Variants in RELN observed in about 807,000 individuals in gnomAD.
The protein encoded by RELN is reelin.
A neutral mutation model predicts 427.6 loss-of-function variants in RELN; 108 were observed. The observed-to-expected ratio is 0.25, with a 90% CI of 0.22 to 0.30. The LOEUF (loss-of-function observed/expected upper bound fraction) is 0.30. RELN is among the 10% of genes least tolerant of loss of function. RELN has a pLI of 1.00. For missense variants in RELN, 3,715 were observed against 4,302.8 expected, an observed-to-expected ratio of 0.86 and a Z score of 3.82; for synonymous variants, 1,524 against 1,513.4, an observed-to-expected ratio of 1.01 and a Z score of -0.16.
chr7:103,631,799 T>C (rs1484600771), intron 19 of RELN, among the ~76,000 whole-genome samples: 1 of 152,048 alleles, frequency 6.6e-6, no homozygotes, highest in Non-Finnish European at 1.5e-5. Context: ...ACATAATATA[T>C]AGAAAGAAAC....
intron 11 of RELN, among the ~76,000 whole-genome samples, chr7:103,677,799 G>GTACA (rs1313289910): frequency 6.9e-6 from 1 of 144,546 alleles, no homozygotes; most frequent in Non-Finnish European, 1.5e-5. Context: ...AAAGAACTAG[G>GTACA]TGTAGTGAGG....
chr7:103,605,517 T>C (rs1023861572), intron 22 of RELN, among the ~76,000 whole-genome samples: 1 of 152,230 alleles, frequency 6.6e-6, no homozygotes, highest in African/African-American at 2.4e-5. Flanking sequence ...TGTCTATTCA[T>C]TGACTGCTAT....
intron 11 of RELN, among the ~76,000 whole-genome samples, chr7:103,679,590 T>A (rs1833610782): frequency 6.6e-6 from 1 of 152,160 alleles, no homozygotes; most frequent in African/African-American, 2.4e-5. Flanking sequence ...ATTAAAGAAA[T>A]GTCCAAAGAG....
intron 20 of RELN, among the ~76,000 whole-genome samples, chr7:103,625,970 G>T (rs778617095): frequency 6.6e-6 from 1 of 152,068 alleles, no homozygotes; most frequent in Non-Finnish European, 1.5e-5. Flanking sequence ...TAGGGCAGTG[G>T]TTAGAGTTGG....
chr7:103,830,361 A>G (rs1366475033), intron 3 of RELN, among the ~76,000 whole-genome samples: 1 of 151,934 alleles, frequency 6.6e-6, no homozygotes, highest in African/African-American at 2.4e-5. Flanking sequence ...AACTAGTAAT[A>G]TCAAAAAGTC....
chr7:103,934,983 A>G (rs1795949051), intron 1 of RELN, among the ~76,000 whole-genome samples: 1 of 152,224 alleles, frequency 6.6e-6, no homozygotes, highest in Non-Finnish European at 1.5e-5. Flanking sequence ...GTGCAAAGCC[A>G]AAGACATCTC....
intron 2 of RELN, among the ~76,000 whole-genome samples, chr7:103,840,024 G>C (rs141365250): frequency 6.6e-6 from 1 of 152,010 alleles, no homozygotes; most frequent in South Asian, 2.1e-4. Flanking sequence ...CTCTCTCTCC[G>C]GCCATATGAA....
At chr7:103,873,872 C>T (rs1450574445) in intron 2 of RELN, among the ~76,000 whole-genome samples, 1 of 114,934 alleles carries the variant, frequency 8.7e-6, no homozygotes, top group African/African-American at 2.9e-5. Flanking sequence ...CAGCATCATT[C>T]TGATACCAAA....
intron 17 of RELN, 55 bp from the exon 18 acceptor site, chr7:103,636,523 T>C: frequency 8.6e-7 from 1 of 1,156,304 alleles, no homozygotes; most frequent in South Asian, 1.3e-5. Context: ...TCGGAGATTC[T>C]CGAATCTACT....
intron 50 of RELN, among the ~76,000 whole-genome samples, 169 bp from the exon 51 acceptor site, chr7:103,511,174 TAGG>T (rs1829399863): frequency 6.6e-6 from 1 of 152,166 alleles, no homozygotes; most frequent in Non-Finnish European, 1.5e-5. Flanking sequence ...ACATAAATAC[TAGG>T]AGGATTGAGA....
intron 49 of RELN, among the ~76,000 whole-genome samples, chr7:103,517,829 C>A (rs1829603241): frequency 6.6e-6 from 1 of 152,214 alleles, no homozygotes; most frequent in East Asian, 1.9e-4. Flanking sequence ...GCCTTTTCAT[C>A]CAAGTGACTG....
intron 3 of RELN, among the ~76,000 whole-genome samples, chr7:103,788,101 C>T (rs1792065514): frequency 1.3e-5 from 2 of 152,154 alleles, no homozygotes; most frequent in African/African-American, 2.4e-5. Context: ...ATGATTATCA[C>T]AATAGATGCA....
At chr7:103,596,730 C>A in intron 24 of RELN, 69 bp from the exon 25 acceptor site, 1 of 1,325,730 alleles carries the variant, frequency 7.5e-7, no homozygotes, top group Non-Finnish European at 1.1e-6. Context: ...GTTTCAGTTC[C>A]AAATTCACAT....
chr7:103,778,436 T>C (rs1470851216), intron 3 of RELN, among the ~76,000 whole-genome samples: 1 of 152,344 alleles, frequency 6.6e-6, no homozygotes, highest in South Asian at 2.1e-4. Flanking sequence ...GTTTTTGTTG[T>C]CTTCTGGTTC....
intron 4 of RELN, among the ~76,000 whole-genome samples, chr7:103,763,456 G>T (rs1167912917): frequency 2.1e-4 from 32 of 152,144 alleles, no homozygotes; most frequent in Non-Finnish European, 4.4e-4. Flanking sequence ...ACATTTAGAA[G>T]TCAATGCATT....
intron 57 of RELN, 136 bp downstream of exon 57, chr7:103,495,587 C>A: frequency 1.2e-6 from 1 of 828,746 alleles, no homozygotes; most frequent in Admixed American, 2.2e-5. Flanking sequence ...CAAAAGATGA[C>A]CTCTTTTATT....
chr7:103,472,970 C>T, intron 64 of RELN, 62 bp from the exon 65 acceptor site: 3 of 1,280,266 alleles, frequency 2.3e-6, no homozygotes, highest in Non-Finnish European at 3.4e-6. Context: ...TAAGTCCCAT[C>T]ATTGAACGTG....
At chr7:103,889,149 A>G (rs1030424513) in intron 2 of RELN, among the ~76,000 whole-genome samples, 2 of 152,218 alleles carry the variant, frequency 1.3e-5, no homozygotes, top group African/African-American at 4.8e-5. Context: ...CGTTTATACC[A>G]TCTTTTAACT....
At chr7:103,717,940 T>C (rs191658213) in intron 8 of RELN, among the ~76,000 whole-genome samples, 337 of 152,272 alleles carry the variant, frequency 2.2e-3, no homozygotes, top group Non-Finnish European at 3.8e-3. Context: ...AATCAAGTTC[T>C]GAGTAATTAA....
Sources: gnomAD v4.1 joint callset for allele counts (sites outside exome capture counted in the v4.1 genomes callset) on GRCh38, gnomAD v4.1.1 for gene constraint, MANE v1.5 for transcripts, NCBI Gene and HGNC (gene_info 2026-07-23, HGNC 2026-07-21) for gene names.